The following TBC1D22A variants were observed in gnomAD, a reference collection of about 807,000 sequenced individuals.
TBC1D22A encodes the protein putative GTPase activator.
Under a neutral mutation model 60.2 loss-of-function variants are expected in TBC1D22A, and 38 were observed. The observed-to-expected ratio is 0.63, with a 90% CI of 0.49 to 0.83. The LOEUF (loss-of-function observed/expected upper bound fraction) is 0.83, where lower values mean the gene tolerates loss of function less well. Among genes scored for constraint, TBC1D22A ranks in the 40% least tolerant of loss-of-function variants. The pLI, the probability that TBC1D22A is intolerant of heterozygous loss-of-function variation, is 0.00. For synonymous variants in TBC1D22A, 302 were observed against 281.7 expected, an observed-to-expected ratio of 1.07 and a Z score of -0.72; for missense variants, 628 against 701.0, an observed-to-expected ratio of 0.90 and a Z score of 1.18.
chr22:46,951,548 C>T (rs373675024), intron 8 of TBC1D22A, among the ~76,000 whole-genome samples: 4 of 152,198 alleles, frequency 2.6e-5, no homozygotes, highest in African/African-American at 7.2e-5. Flanking sequence ...CTGTATTTCA[C>T]GCCAGTTAGG....
At chr22:47,090,659 T>A (rs1475241963) in intron 11 of TBC1D22A, among the ~76,000 whole-genome samples, 1 of 152,092 alleles carries the variant, frequency 6.6e-6, no homozygotes, top group African/African-American at 2.4e-5. Context: ...TCGGTTGCAG[T>A]TGACAGTAGC....
intron 8 of TBC1D22A, among the ~76,000 whole-genome samples, chr22:46,933,642 C>T (rs553000043): frequency 2.0e-5 from 3 of 152,222 alleles, no homozygotes; most frequent in East Asian, 1.9e-4. Flanking sequence ...GGGTTGGCCC[C>T]CTGTGCCAGG....
At chr22:46,814,048 C>G (rs2085490925) in intron 4 of TBC1D22A, among the ~76,000 whole-genome samples, 2 of 152,242 alleles carry the variant, frequency 1.3e-5, no homozygotes, top group African/African-American at 4.8e-5. Context: ...AGTCAGCGCA[C>G]ACCCTGGCCT....
At chr22:46,923,440 C>T (rs977772837) in intron 8 of TBC1D22A, among the ~76,000 whole-genome samples, 10 of 152,368 alleles carry the variant, frequency 6.6e-5, no homozygotes, top group Non-Finnish European at 1.0e-4. Context: ...CTGGGCCCTT[C>T]CCCATCTCTT....
Position 47,004,349 on chromosome 22 carries a change from T to A in TBC1D22A, c.1201+6640T>A, listed in dbSNP as rs184827900. ...CCCCTATATACATGCGTCTGCCACA[T>A]ACACATATACATACACTCCTATATA... On this transcript the variant is annotated intron_variant, in intron 10 of 12. Transcript: ENST00000337137. Among the ~76,000 whole-genome samples, 7 of 145,238 alleles carry A rather than the reference T, an allele frequency of 4.8e-5. No individual in the cohort carries two copies. In the East Asian group the frequency reaches 1.1e-3, roughly 22 times the overall value.
intron 11 of TBC1D22A, among the ~76,000 whole-genome samples, chr22:47,053,819 CCA>C (rs1184777349): frequency 6.6e-6 from 1 of 152,206 alleles, no homozygotes; most frequent in Admixed American, 6.5e-5. Context: ...CAGACATATA[CCA>C]GCGCATTTAA....
intron 12 of TBC1D22A, among the ~76,000 whole-genome samples, chr22:47,152,995 T>C (rs1039010509): frequency 6.6e-6 from 1 of 152,180 alleles, no homozygotes; most frequent in Non-Finnish European, 1.5e-5. Flanking sequence ...CATTCTGATA[T>C]TAAAGGAGGT....
chr22:46,763,564 A>G (rs1216985042), intron 1 of TBC1D22A, among the ~76,000 whole-genome samples: 1 of 152,124 alleles, frequency 6.6e-6, no homozygotes, highest in African/African-American at 2.4e-5. Flanking sequence ...TACCTAGGAT[A>G]AAATCAGCCA....
At chr22:46,793,117 A>G (rs1481244623) in intron 2 of TBC1D22A, among the ~76,000 whole-genome samples, 1 of 152,224 alleles carries the variant, frequency 6.6e-6, no homozygotes, top group African/African-American at 2.4e-5. Context: ...TCAAATCCAT[A>G]TACCACAGGC....
intron 8 of TBC1D22A, among the ~76,000 whole-genome samples, chr22:46,942,438 T>C (rs2072230021): frequency 1.3e-5 from 2 of 152,314 alleles, no homozygotes; most frequent in South Asian, 2.1e-4. Context: ...ATGGCTACTC[T>C]GGTCACAGCG....
At position 47,130,220 on chromosome 22, in the gene TBC1D22A, G is replaced by A. The variant is rs112385332; in HGVS notation, c.1425+18617G>A. Among the ~76,000 whole-genome samples the A allele has an allele frequency of 8.3e-3, 1,269 of 152,298 alleles. 21 individuals carry two copies. The highest frequency in any genetic ancestry group is 0.029 in the African/African-American group (1,200 of 41,554). On this transcript the variant is annotated intron_variant, in intron 12 of 12. Transcript: ENST00000337137. ...CTCCCTCCCCACCAGACAGGTTACC[G>A]GAGCGGGCGTGTCTGGAGGAGCAGG... is the stretch of plus-strand genomic sequence containing the variant.
chr22:47,054,749 C>T (rs1448408490), intron 11 of TBC1D22A, among the ~76,000 whole-genome samples: 1 of 152,176 alleles, frequency 6.6e-6, no homozygotes. Context: ...AGGGCTGTTC[C>T]TGGGCAGGTC....
At chr22:46,774,381 C>G in intron 1 of TBC1D22A, 1 of 458,376 alleles carries the variant, frequency 2.2e-6, no homozygotes, top group Non-Finnish European at 2.9e-6. Flanking sequence ...TGAGTATCCC[C>G]AGACTTTTTG....
chr22:46,842,670 G>T (rs1214174068), intron 4 of TBC1D22A, among the ~76,000 whole-genome samples: 1 of 152,250 alleles, frequency 6.6e-6, no homozygotes, highest in Non-Finnish European at 1.5e-5. Context: ...TGTGCAGCGC[G>T]ATCTCCGATC....
intron 8 of TBC1D22A, among the ~76,000 whole-genome samples, chr22:46,966,225 C>T (rs1281844530): frequency 1.3e-5 from 2 of 152,204 alleles, no homozygotes; most frequent in Non-Finnish European, 2.9e-5. Flanking sequence ...GCCCTGTGCT[C>T]ATGCTTTCCA....
At chr22:46,904,142 TCTACCTAC>T (rs11268390) in intron 7 of TBC1D22A, among the ~76,000 whole-genome samples, 2,926 of 134,470 alleles carry the variant, frequency 0.022, 45 homozygotes, top group Admixed American at 0.035. Context: ...TATCTATCTA[TCTACCTAC>T]CTACCTACCT....
In TBC1D22A at chr22:46,835,135, TTCTC is replaced by T. The variant is rs1318138362; in HGVS notation, c.637+37517_637+37520del. Among the ~76,000 whole-genome samples, 13 of 152,308 alleles carry T rather than the reference TTCTC, an allele frequency of 8.5e-5. No homozygotes were observed. In the East Asian group the frequency reaches 2.5e-3, roughly 29 times the overall value. On this transcript the variant is annotated intron_variant, in intron 4 of 12. Transcript: ENST00000337137. ...CCTAGTCAGGCTGATTGGAAGATCT[TTCTC>T]TTCTGAAGCCAGTCAGTAAAGACTG...
chr22:46,987,256 GTGGCAT>G (rs2074763192), intron 9 of TBC1D22A, among the ~76,000 whole-genome samples: 2 of 152,128 alleles, frequency 1.3e-5, no homozygotes, highest in Non-Finnish European at 2.9e-5. Context: ...CGATGCCGGA[GTGGCAT>G]TGGTCACCTC....
At chr22:47,146,114 G>GTAC (rs1306881805) in intron 12 of TBC1D22A, among the ~76,000 whole-genome samples, 2 of 148,678 alleles carry the variant, frequency 1.3e-5, no homozygotes, top group Middle Eastern at 3.5e-3. Flanking sequence ...GCGCGGGGAT[G>GTAC]TGCTGGATTG....
Sources: allele counts gnomAD v4.1 joint callset (sites outside exome capture counted in the v4.1 genomes callset), GRCh38; gene constraint gnomAD v4.1.1; transcripts MANE v1.5; gene names NCBI Gene and HGNC (gene_info 2026-07-23, HGNC 2026-07-21).